The following CFAP299 variants were observed in gnomAD, a reference collection of about 807,000 sequenced individuals.
CFAP299 encodes cilia and flagella associated protein 299.
A neutral mutation model predicts 27.0 loss-of-function variants in CFAP299; 21 were observed. The ratio of observed to expected loss-of-function variants is 0.78; its 90% CI spans 0.55 to 1.12. The LOEUF is 1.12. Among genes scored for constraint, CFAP299 ranks in the 50% most tolerant of loss-of-function variants. The pLI, the probability that CFAP299 is intolerant of heterozygous loss-of-function variation, is 0.00. For synonymous variants in CFAP299, 104 were observed against 98.1 expected (o/e 1.06, Z -0.36); for missense variants, 310 against 276.6 (o/e 1.12, Z -0.86).
At chr4:80,386,601 A>G (rs897520591) in intron 2 of CFAP299, 18 of 1,598,302 alleles carry the variant, frequency 1.1e-5, no homozygotes, top group Non-Finnish European at 1.5e-5. Context: ...TTGTGGCGGA[A>G]AAAGCCCTTG....
At chr4:80,715,176 C>T (rs527913939) in intron 3 of CFAP299, among the ~76,000 whole-genome samples, 85 of 152,170 alleles carry the variant, frequency 5.6e-4, no homozygotes, top group Non-Finnish European at 9.9e-4. Flanking sequence ...TGAAGATGTT[C>T]TGATCAATCC....
intron 4 of CFAP299, among the ~76,000 whole-genome samples, chr4:80,889,905 C>T (rs924592786): frequency 2.0e-5 from 3 of 152,020 alleles, no homozygotes; most frequent in Non-Finnish European, 4.4e-5. Context: ...GCTGAGAAAG[C>T]ATTTGATAAA....
At chr4:80,902,783 A>AT (rs1734994996) in intron 4 of CFAP299, among the ~76,000 whole-genome samples, 1 of 151,662 alleles carries the variant, frequency 6.6e-6, no homozygotes, top group South Asian at 2.1e-4. Context: ...TTGATAAACT[A>AT]TTTTTTACCT....
chr4:80,607,230 A>C (rs1737726235), intron 3 of CFAP299, among the ~76,000 whole-genome samples: 1 of 152,112 alleles, frequency 6.6e-6, no homozygotes, highest in Non-Finnish European at 1.5e-5. Flanking sequence ...TAATATTTTT[A>C]TTGTATGGTC....
chr4:80,713,517 C>T (rs1464683184), intron 3 of CFAP299, among the ~76,000 whole-genome samples: 1 of 152,210 alleles, frequency 6.6e-6, no homozygotes, highest in Admixed American at 6.5e-5. Context: ...CCAATAGCAA[C>T]AACAGTAATA....
chr4:80,836,588 T>G (rs113300216), intron 3 of CFAP299, among the ~76,000 whole-genome samples: 1 of 152,292 alleles, frequency 6.6e-6, no homozygotes, highest in Non-Finnish European at 1.5e-5. Flanking sequence ...TTGTTCCTCT[T>G]ATAAGGACCC....
intron 4 of CFAP299, among the ~76,000 whole-genome samples, chr4:80,909,115 A>G (rs1285316872): frequency 6.6e-6 from 1 of 152,104 alleles, no homozygotes; most frequent in Non-Finnish European, 1.5e-5. Flanking sequence ...ACCTGTAATC[A>G]CTTACTTAAA....
intron 2 of CFAP299, among the ~76,000 whole-genome samples, chr4:80,480,640 T>A (rs1325553426): frequency 1.3e-5 from 2 of 151,992 alleles, no homozygotes; most frequent in East Asian, 1.9e-4. Context: ...TGCTCAGAGA[T>A]TTTTTAGGCC....
At chr4:80,607,435 T>A (rs1737738927) in intron 3 of CFAP299, among the ~76,000 whole-genome samples, 3 of 151,288 alleles carry the variant, frequency 2.0e-5, no homozygotes. Flanking sequence ...GGAAGAGACA[T>A]CAGTGAGACA....
At chr4:80,908,329 A>G (rs1347036891) in intron 4 of CFAP299, among the ~76,000 whole-genome samples, 1 of 152,216 alleles carries the variant, frequency 6.6e-6, no homozygotes, top group Non-Finnish European at 1.5e-5. Flanking sequence ...CAAAGTCTGT[A>G]ACACTTAATT....
At chr4:80,370,482 G>A (rs1056909824) in intron 2 of CFAP299, among the ~76,000 whole-genome samples, 10 of 152,170 alleles carry the variant, frequency 6.6e-5, no homozygotes, top group Non-Finnish European at 1.5e-4. Flanking sequence ...AACAAGGCTA[G>A]TCCCTTTTGC....
chr4:80,807,323 C>A (rs1728913508), intron 3 of CFAP299, among the ~76,000 whole-genome samples: 1 of 151,938 alleles, frequency 6.6e-6, no homozygotes, highest in Admixed American at 6.6e-5. Context: ...TGTAAATGTA[C>A]AACCATTTCA....
At chr4:80,879,457 C>T (rs1733578426) in intron 4 of CFAP299, among the ~76,000 whole-genome samples, 1 of 152,024 alleles carries the variant, frequency 6.6e-6, no homozygotes. Context: ...GTATATTTAT[C>T]TATTCTTTGA....
intron 3 of CFAP299, among the ~76,000 whole-genome samples, chr4:80,862,165 T>C (rs1560451444): frequency 6.6e-6 from 1 of 151,788 alleles, no homozygotes; most frequent in Non-Finnish European, 1.5e-5. Context: ...AGGTCAGGAG[T>C]TCGAGACCAG....
At chr4:80,333,336 T>C (rs1435044043), upstream of CFAP299, among the ~76,000 whole-genome samples, 1 of 152,180 alleles carries the variant, frequency 6.6e-6, no homozygotes, top group African/African-American at 2.4e-5. Flanking sequence ...ATAGCCCTCA[T>C]CTGCAGTCAT....
chr4:80,839,829 G>C (rs1730766406), intron 3 of CFAP299, among the ~76,000 whole-genome samples: 2 of 151,878 alleles, frequency 1.3e-5, no homozygotes, highest in Middle Eastern at 6.9e-3. Context: ...GCTTTACATA[G>C]CCCATATGCC....
At chr4:80,683,258 G>A (rs1445011286) in intron 3 of CFAP299, among the ~76,000 whole-genome samples, 2 of 152,094 alleles carry the variant, frequency 1.3e-5, no homozygotes, top group South Asian at 2.1e-4. Flanking sequence ...ATCCCCATAC[G>A]TTCTCCTCTG....
chr4:80,586,363 A>G (rs1029281860), intron 3 of CFAP299, among the ~76,000 whole-genome samples: 1 of 152,192 alleles, frequency 6.6e-6, no homozygotes, highest in Non-Finnish European at 1.5e-5. Context: ...TAAGGAAAAC[A>G]TTGATTGGAT....
intron 3 of CFAP299, among the ~76,000 whole-genome samples, chr4:80,717,076 G>A (rs1722528923): frequency 6.6e-6 from 1 of 152,118 alleles, no homozygotes; most frequent in African/African-American, 2.4e-5. Flanking sequence ...AATCTGCTCA[G>A]TGCTGGGGCT....
Sources: allele counts gnomAD v4.1 joint callset (sites outside exome capture counted in the v4.1 genomes callset), GRCh38; gene constraint gnomAD v4.1.1; transcripts MANE v1.5; gene names NCBI Gene and HGNC (gene_info 2026-07-23, HGNC 2026-07-21).